BLK: variants seen among roughly 807,000 people sequenced by gnomAD.
BLK encodes the protein tyrosine-protein kinase Blk.
In BLK, 64 loss-of-function variants were observed where a neutral mutation model predicts 61.8. That is an observed-to-expected ratio of 1.03 (90% CI 0.85 to 1.27). The LOEUF (loss-of-function observed/expected upper bound fraction) is 1.27. Ranked by LOEUF, BLK falls within the 50% of genes most tolerant of loss-of-function variation. The probability of loss-of-function intolerance (pLI) is 0.00; values close to 1 mark genes in which losing one functional copy is unlikely to be tolerated. For synonymous variants in BLK, 351 were observed against 272.0 expected (o/e 1.29, Z -2.86); for missense variants, 853 against 660.5 (o/e 1.29, Z -3.19).
At chr8:11,513,806 G>A (rs1243103838) in intron 1 of BLK, among the ~76,000 whole-genome samples, 4 of 152,114 alleles carry the variant, frequency 2.6e-5, no homozygotes, top group East Asian at 1.9e-4. Context: ...TGTGGTTGGC[G>A]GGCAGTCCAC....
At chr8:11,541,824 C>G (rs1275151900) in intron 1 of BLK, among the ~76,000 whole-genome samples, 1 of 152,160 alleles carries the variant, frequency 6.6e-6, no homozygotes, top group Non-Finnish European at 1.5e-5. Context: ...ATCCAAACTT[C>G]TGAAACCCTA....
chr8:11,561,329 C>A lies in BLK; in HGVS notation c.1057C>A (p.Arg353Ser), dbSNP rs199696853. ...QIAEGMAYIERMNSIHRDLRA... is the reference protein window; with the variant it reads ...QIAEGMAYIESMNSIHRDLRA... ...TGCTGAAGGGATGGCATACATTGAGCGCATGAATTCCATCCACCGCGACCT... is the reference window on the plus strand; with the variant it reads ...TGCTGAAGGGATGGCATACATTGAGAGCATGAATTCCATCCACCGCGACCT... Residue 353 changes from arginine (R) to serine (S), a missense_variant, in exon 11 of 13, where the codon CGC becomes AGC. Physicochemically the swap from Arg to Ser is moderately radical, Grantham distance 110 (BLOSUM62 -1). Transcript: ENST00000259089. 5.6e-6 allele frequency: 9 copies of A among 1,613,918 alleles called. No individual in the cohort carries two copies. Among genetic ancestry groups the A allele is most frequent in the South Asian group, 1.1e-5 (1 of 90,956 alleles).
rs1344079770 is a variant in BLK at position 11,535,734 on chromosome 8, G to A, written c.-1-7490G>A. Among the ~76,000 whole-genome samples the A allele has an allele frequency of 2.6e-5, 4 of 152,200 alleles. No individual in the cohort carries two copies. In the East Asian group the frequency reaches 5.8e-4, roughly 22 times the overall value. On this transcript the variant is annotated intron_variant, in intron 1 of 12. Coordinates refer to ENST00000259089, the MANE Select transcript of BLK (RefSeq NM_001715.3). The stretch of plus-strand genomic sequence containing the variant: ...CTAAAATGGTGCAGGTAAACACTGT[G>A]AGCCTCCTGGTAGGATGCAACATGG...
At chr8:11,531,520 T>G (rs1799885526) in intron 1 of BLK, among the ~76,000 whole-genome samples, 1 of 152,232 alleles carries the variant, frequency 6.6e-6, no homozygotes, top group African/African-American at 2.4e-5. Flanking sequence ...AGATTGTTTT[T>G]ATTTATCATT....
At chr8:11,515,942 G>C (rs537057452) in intron 1 of BLK, among the ~76,000 whole-genome samples, 2 of 152,360 alleles carry the variant, frequency 1.3e-5, no homozygotes, top group African/African-American at 2.4e-5. Context: ...GCTTTGGGAG[G>C]CTTTTGTATC....
chr8:11,516,968 A>T (rs1207919645), intron 1 of BLK, among the ~76,000 whole-genome samples: 3 of 152,292 alleles, frequency 2.0e-5, no homozygotes, highest in Middle Eastern at 3.4e-3. Context: ...TCATATGGTA[A>T]TTCTATGTTT....
intron 1 of BLK, among the ~76,000 whole-genome samples, chr8:11,516,296 C>T (rs1052820442): frequency 3.9e-5 from 6 of 152,192 alleles, no homozygotes; most frequent in East Asian, 3.8e-4. Flanking sequence ...ACAGAAAGCC[C>T]GACAGACACT....
In BLK at chr8:11,518,048, AG is replaced by A. The variant is rs1300632713; in HGVS notation, c.-2+23458del. The stretch of plus-strand genomic sequence containing the variant: ...GCCTGCCCCAGATGCCAGCACTCAG[AG>A]CTCACTCTGCAGAAGAGGGAACCGA... On this transcript the variant is annotated intron_variant, in intron 1 of 12. Transcript: ENST00000259089. Among the ~76,000 whole-genome samples the A allele has an allele frequency of 1.5e-4, 23 of 152,152 alleles. 1 individual carries two copies. The highest frequency in any genetic ancestry group is 5.3e-4 in the African/African-American group (22 of 41,438).
intron 6 of BLK, 51 bp from the exon 7 acceptor site, chr8:11,554,692 T>C (rs1301507358): frequency 6.2e-7 from 1 of 1,605,114 alleles, no homozygotes. Context: ...CCCAGTCCCG[T>C]TTTTTGTCTT....
At chr8:11,555,015 G>T in intron 7 of BLK, 126 bp downstream of exon 7, 1 of 1,420,498 alleles carries the variant, frequency 7.0e-7, no homozygotes. Flanking sequence ...CCAAAGTTAG[G>T]CCTAAGGAGG....
At chr8:11,524,085 GC>G (rs1470554537) in intron 1 of BLK, among the ~76,000 whole-genome samples, 2 of 152,102 alleles carry the variant, frequency 1.3e-5, no homozygotes, top group African/African-American at 4.8e-5. Flanking sequence ...ATTTATAACA[GC>G]CAAAAGTTGA....
At chr8:11,517,105 C>T (rs767506117) in intron 1 of BLK, among the ~76,000 whole-genome samples, 1 of 152,062 alleles carries the variant, frequency 6.6e-6, no homozygotes, top group Non-Finnish European at 1.5e-5. Context: ...CAGTGGGCTG[C>T]CTTTGGGAAT....
At chr8:11,494,953 G>A (rs1467049625) in intron 1 of BLK, among the ~76,000 whole-genome samples, 1 of 152,232 alleles carries the variant, frequency 6.6e-6, no homozygotes, top group Non-Finnish European at 1.5e-5. Context: ...TTGATAGGAG[G>A]TGATATTGAC....
chr8:11,537,838 C>T (rs888164234), intron 1 of BLK, among the ~76,000 whole-genome samples: 3 of 152,200 alleles, frequency 2.0e-5, no homozygotes, highest in African/African-American at 7.2e-5. Flanking sequence ...GTTGATGCCT[C>T]CACCACACCC....
intron 3 of BLK, among the ~76,000 whole-genome samples, chr8:11,547,797 T>C (rs1800712549): frequency 6.6e-6 from 1 of 152,098 alleles, no homozygotes; most frequent in Non-Finnish European, 1.5e-5. Context: ...ACACACGCCT[T>C]GTCCAGGTCA....
chr8:11,550,099 G>C (rs1436556974), intron 5 of BLK, 60 bp from the exon 6 acceptor site: 2 of 1,464,078 alleles, frequency 1.4e-6, no homozygotes, highest in African/African-American at 2.8e-5. Context: ...GGGAGGCTGT[G>C]TGGGAATACT....
chr8:11,524,264 T>C (rs930555143), intron 1 of BLK, among the ~76,000 whole-genome samples: 1 of 152,230 alleles, frequency 6.6e-6, no homozygotes, highest in Non-Finnish European at 1.5e-5. Context: ...TGGCCCATTT[T>C]TCAAGACTAT....
At chr8:11,526,519 G>C (rs895356474) in intron 1 of BLK, among the ~76,000 whole-genome samples, 25 of 152,172 alleles carry the variant, frequency 1.6e-4, no homozygotes, top group African/African-American at 6.0e-4. Context: ...AGGAGTTTGA[G>C]ACCAGCCTGG....
At chr8:11,550,387 G>A in intron 6 of BLK, 125 bp downstream of exon 6, 1 of 899,624 alleles carries the variant, frequency 1.1e-6, no homozygotes, top group East Asian at 2.5e-5. Context: ...TTCCGGGCTT[G>A]TGTCCCTCCC....
Sources: gnomAD v4.1 joint callset for allele counts (sites outside exome capture counted in the v4.1 genomes callset) on GRCh38, gnomAD v4.1.1 for gene constraint, MANE v1.5 for transcripts, NCBI Gene and HGNC (gene_info 2026-07-23, HGNC 2026-07-21) for gene names.